The following SLC25A21 variants were observed in gnomAD, a reference collection of about 807,000 sequenced individuals.
The protein encoded by SLC25A21 is solute carrier family 25 member 21.
SLC25A21 carries 47 observed loss-of-function variants against 43.8 expected under a neutral mutation model. The ratio of observed to expected loss-of-function variants is 1.07; its 90% CI spans 0.85 to 1.37. SLC25A21 has a LOEUF of 1.37. SLC25A21 is among the 40% of genes most tolerant of loss of function. SLC25A21 has a pLI of 0.00. For synonymous variants in SLC25A21, 131 were observed against 121.3 expected, an observed-to-expected ratio of 1.08 and a Z score of -0.52; for missense variants, 352 against 350.2, an observed-to-expected ratio of 1.00 and a Z score of -0.04.
intron 1 of SLC25A21, among the ~76,000 whole-genome samples, chr14:36,884,759 G>A (rs951847571): frequency 6.6e-6 from 1 of 152,020 alleles, no homozygotes; most frequent in Non-Finnish European, 1.5e-5. Flanking sequence ...TATGTCTGTT[G>A]GCTGCCTGTA....
chr14:36,907,448 A>AT (rs200037033), intron 1 of SLC25A21, among the ~76,000 whole-genome samples: 5 of 152,180 alleles, frequency 3.3e-5, no homozygotes, highest in Admixed American at 1.3e-4. Context: ...GTGGATGCTT[A>AT]TTTTTTTAAA....
At position 37,172,452 on chromosome 14, in the gene SLC25A21, A is replaced by G. The variant is rs1303286184; in HGVS notation, c.-102T>C. On this transcript the variant is annotated 5_prime_UTR_variant, in exon 1 of 10. Transcript: ENST00000331299. ...GAGAGCCCCGGCTGGGCTGGTCCTC[A>G]AGCGCGTTGGCTCCCTGTGGAGCAG... 8 of 1,238,124 alleles carry G rather than the reference A, an allele frequency of 6.5e-6. No homozygotes were observed. The highest frequency in any genetic ancestry group is 8.1e-6 in the Non-Finnish European group (7 of 861,290). The allele number at this position is 1,238,124 out of a possible 1,614,324, so 76.7% of individuals were successfully genotyped here. A position where few individuals can be genotyped will look rare whatever the true frequency, so the allele number is the denominator to read the frequency against.
intron 1 of SLC25A21, among the ~76,000 whole-genome samples, chr14:37,084,395 T>G (rs565055065): frequency 6.6e-6 from 1 of 152,318 alleles, no homozygotes; most frequent in Non-Finnish European, 1.5e-5. Context: ...ATAGGCAATT[T>G]TGAGATGTAC....
At chr14:36,969,985 T>A (rs1470241531) in intron 1 of SLC25A21, among the ~76,000 whole-genome samples, 2 of 152,172 alleles carry the variant, frequency 1.3e-5, no homozygotes, top group East Asian at 3.9e-4. Context: ...TCTCTGACTA[T>A]CTTAAACAAA....
At chr14:37,102,633 C>T (rs1335162421) in intron 1 of SLC25A21, among the ~76,000 whole-genome samples, 1 of 151,994 alleles carries the variant, frequency 6.6e-6, no homozygotes, top group Non-Finnish European at 1.5e-5. Context: ...GAACTGAATG[C>T]CCCTATTTTA....
At chr14:36,931,169 C>T (rs766113817) in intron 1 of SLC25A21, among the ~76,000 whole-genome samples, 20 of 152,074 alleles carry the variant, frequency 1.3e-4, no homozygotes, top group Non-Finnish European at 2.6e-4. Flanking sequence ...AATAAATATT[C>T]CTTAAAGAAA....
At chr14:36,717,981 C>G (rs1265797418) in intron 6 of SLC25A21, among the ~76,000 whole-genome samples, 1 of 151,950 alleles carries the variant, frequency 6.6e-6, no homozygotes, top group Non-Finnish European at 1.5e-5. Context: ...ACTAATTTTT[C>G]TTTATATAGC....
At chr14:36,982,129 T>C (rs1186941934) in intron 1 of SLC25A21, among the ~76,000 whole-genome samples, 1 of 118,662 alleles carries the variant, frequency 8.4e-6, no homozygotes, top group Non-Finnish European at 1.5e-5. Context: ...TGTGATCTCA[T>C]TATTTACAAG....
intron 6 of SLC25A21, among the ~76,000 whole-genome samples, chr14:36,718,738 C>G (rs985197872): frequency 5.3e-5 from 8 of 152,104 alleles, no homozygotes; most frequent in African/African-American, 1.9e-4. Context: ...AAACTAGAAC[C>G]AAACCCTGAG....
chr14:36,979,402 C>A (rs1959966013), intron 1 of SLC25A21, among the ~76,000 whole-genome samples: 1 of 151,232 alleles, frequency 6.6e-6, no homozygotes, highest in Admixed American at 6.6e-5. Context: ...GTCGCCCAGG[C>A]TGGAGTGCAG....
intron 2 of SLC25A21, among the ~76,000 whole-genome samples, chr14:36,836,977 C>G (rs930087594): frequency 6.6e-6 from 1 of 152,062 alleles, no homozygotes; most frequent in Non-Finnish European, 1.5e-5. Context: ...CGGATACACC[C>G]TCTTTAAAGG....
intron 1 of SLC25A21, among the ~76,000 whole-genome samples, chr14:36,898,628 T>C (rs1359850683): frequency 6.6e-6 from 1 of 152,166 alleles, no homozygotes; most frequent in Non-Finnish European, 1.5e-5. Flanking sequence ...GCGTCGCTCA[T>C]GCTGGGAGCT....
intron 1 of SLC25A21, among the ~76,000 whole-genome samples, chr14:36,906,969 G>A (rs972664404): frequency 3.3e-5 from 5 of 152,112 alleles, no homozygotes; most frequent in African/African-American, 1.2e-4. Flanking sequence ...ACTTTCTAGA[G>A]GCCCAGAAAA....
At chr14:36,843,837 G>GT (rs780940978) in intron 2 of SLC25A21, among the ~76,000 whole-genome samples, 4 of 152,150 alleles carry the variant, frequency 2.6e-5, no homozygotes, top group Admixed American at 1.3e-4. Flanking sequence ...TTTGTAGTTT[G>GT]TTTTTTGCAT....
intron 1 of SLC25A21, among the ~76,000 whole-genome samples, chr14:37,089,351 GGA>G (rs960946881): frequency 1.3e-5 from 2 of 152,088 alleles, no homozygotes; most frequent in African/African-American, 4.8e-5. Flanking sequence ...GGGAAGTGCT[GGA>G]GCAACTCAGA....
chr14:36,911,374 A>G (rs892559401), intron 1 of SLC25A21, among the ~76,000 whole-genome samples: 2 of 152,172 alleles, frequency 1.3e-5, no homozygotes, highest in Non-Finnish European at 1.5e-5. Flanking sequence ...CAGAGCCATT[A>G]AAGGGCAGCG....
intron 2 of SLC25A21, among the ~76,000 whole-genome samples, chr14:36,833,022 G>T (rs1004920929): frequency 5.3e-5 from 8 of 152,272 alleles, no homozygotes; most frequent in Admixed American, 2.0e-4. Context: ...TTCCACAGAA[G>T]TTCATTATGG....
intron 8 of SLC25A21, 91 bp downstream of exon 8, chr14:36,684,653 C>A (rs1882447083): frequency 8.2e-7 from 1 of 1,215,362 alleles, no homozygotes; most frequent in Non-Finnish European, 1.1e-6. Context: ...CTTAGGAGGG[C>A]TTACTGGTTC....
intron 1 of SLC25A21, among the ~76,000 whole-genome samples, chr14:37,022,248 T>C (rs1320922061): frequency 6.6e-6 from 1 of 152,030 alleles, no homozygotes; most frequent in Non-Finnish European, 1.5e-5. Flanking sequence ...ATTTTACACA[T>C]ATTATACTAA....
Sources: allele counts gnomAD v4.1 joint callset (sites outside exome capture counted in the v4.1 genomes callset), GRCh38; gene constraint gnomAD v4.1.1; transcripts MANE v1.5; gene names NCBI Gene and HGNC (gene_info 2026-07-23, HGNC 2026-07-21).